Variants in CAST observed in about 807,000 individuals in gnomAD.
CAST encodes calpastatin, also known as MIR583 host.
Under a neutral mutation model 119.6 loss-of-function variants are expected in CAST, and 76 were observed. The observed-to-expected ratio is 0.64, with a 90% CI of 0.53 to 0.77. The LOEUF is 0.77. CAST is among the 30% of genes least tolerant of loss of function. The pLI is 0.00. For synonymous variants in CAST, 319 were observed against 331.6 expected (o/e 0.96, Z 0.41); for missense variants, 953 against 946.5 (o/e 1.01, Z -0.09).
At chr5:96,078,736 A>G in the CAST span, among the ~76,000 whole-genome samples, 1 of 152,230 alleles carries the variant, frequency 6.6e-6, no homozygotes, top group African/African-American at 2.4e-5. Context: ...TCTTGTGGGT[A>G]TTGATGATGG....
At chr5:96,359,241 A>G in the CAST span, among the ~76,000 whole-genome samples, 2 of 152,100 alleles carry the variant, frequency 1.3e-5, no homozygotes, top group Non-Finnish European at 2.9e-5. Flanking sequence ...TGCATGTGAG[A>G]TAGGTCTCCT....
chr5:96,476,573 A>G, the CAST span, among the ~76,000 whole-genome samples: 3 of 152,198 alleles, frequency 2.0e-5, no homozygotes, highest in Non-Finnish European at 4.4e-5. Context: ...TTACACCCAA[A>G]CACATGAAAC....
At chr5:96,462,050 A>G in the CAST span, among the ~76,000 whole-genome samples, 11,137 of 152,154 alleles carry the variant, frequency 0.073, 888 homozygotes, top group East Asian at 0.41. Flanking sequence ...CTAGGAATCA[A>G]GGAATCTGGA....
chr5:96,616,879 G>A (rs1269981111), intron 1 of CAST, among the ~76,000 whole-genome samples: 1 of 151,408 alleles, frequency 6.6e-6, no homozygotes, highest in Non-Finnish European at 1.5e-5. Flanking sequence ...TTTGGTAGTG[G>A]GTTTTGGACC....
At chr5:96,107,218 T>C in the CAST span, among the ~76,000 whole-genome samples, 1 of 152,194 alleles carries the variant, frequency 6.6e-6, no homozygotes, top group African/African-American at 2.4e-5. Flanking sequence ...ATTTTGTCCA[T>C]TTACATTTAA....
At chr5:96,449,288 G>A in the CAST span, among the ~76,000 whole-genome samples, 2 of 152,274 alleles carry the variant, frequency 1.3e-5, no homozygotes, top group East Asian at 1.9e-4. Context: ...GTAAAGGTCC[G>A]TGACCTGTTA....
chr5:96,755,782 A>T (rs1766170354), intron 22 of CAST, among the ~76,000 whole-genome samples: 1 of 152,196 alleles, frequency 6.6e-6, no homozygotes, highest in African/African-American at 2.4e-5. Context: ...TTGCTTCCTG[A>T]GTTTTACAAT....
intron 1 of CAST, among the ~76,000 whole-genome samples, chr5:96,626,920 C>T (rs1747735105): frequency 6.6e-6 from 1 of 152,198 alleles, no homozygotes; most frequent in Non-Finnish European, 1.5e-5. Context: ...TATCCTTTAT[C>T]TTTGCTACAC....
At chr5:96,471,075 A>G in the CAST span, among the ~76,000 whole-genome samples, 3 of 152,068 alleles carry the variant, frequency 2.0e-5, no homozygotes, top group Non-Finnish European at 4.4e-5. Flanking sequence ...AGATCTTTGT[A>G]ATTGTGTAGA....
chr5:96,472,350 C>T, the CAST span, among the ~76,000 whole-genome samples: 1 of 152,176 alleles, frequency 6.6e-6, no homozygotes, highest in Non-Finnish European at 1.5e-5. Flanking sequence ...TAATCCATCA[C>T]ACCATTCTTT....
the CAST span, among the ~76,000 whole-genome samples, chr5:96,020,823 C>A: frequency 2.1e-5 from 2 of 95,638 alleles, no homozygotes; most frequent in Non-Finnish European, 4.2e-5. Flanking sequence ...CCATCCCCCA[C>A]CCCCCACCCC....
chr5:96,655,649 A>G (rs749925108), intron 1 of CAST, among the ~76,000 whole-genome samples: 6 of 152,364 alleles, frequency 3.9e-5, no homozygotes, highest in South Asian at 4.1e-4. Context: ...ATCTTAGCTC[A>G]TCTTAGTAGT....
the CAST span, among the ~76,000 whole-genome samples, chr5:96,268,437 A>G: frequency 6.6e-6 from 1 of 152,028 alleles, no homozygotes; most frequent in Non-Finnish European, 1.5e-5. Flanking sequence ...AATTAGCTGA[A>G]TATGGAGGTA....
the CAST span, among the ~76,000 whole-genome samples, chr5:96,052,593 C>T: frequency 6.6e-6 from 1 of 152,190 alleles, no homozygotes; most frequent in African/African-American, 2.4e-5. Flanking sequence ...GATTATCAGT[C>T]TTTTGTCTTC....
intron 1 of CAST, among the ~76,000 whole-genome samples, chr5:96,561,829 G>C (rs2150184940): frequency 8.9e-6 from 1 of 112,616 alleles, no homozygotes; most frequent in South Asian, 3.1e-4. Context: ...GTCTCGCTCT[G>C]TCGCCCAGGC....
At chr5:96,456,763 G>T in the CAST span, among the ~76,000 whole-genome samples, 1 of 152,160 alleles carries the variant, frequency 6.6e-6, no homozygotes, top group African/African-American at 2.4e-5. Flanking sequence ...ATCTCATCTT[G>T]AATTGTAGTT....
chr5:96,468,559 G>A, the CAST span, among the ~76,000 whole-genome samples: 2 of 152,016 alleles, frequency 1.3e-5, no homozygotes, highest in African/African-American at 4.8e-5. Context: ...TATAACCCAG[G>A]TAGAGCCATA....
At chr5:96,742,604 C>T (rs777283481) in intron 15 of CAST, 51 bp from the exon 16 acceptor site, 1 of 1,136,992 alleles carries the variant, frequency 8.8e-7, no homozygotes, top group Non-Finnish European at 1.3e-6. Context: ...ATGGATTGTT[C>T]GGGCTCCAGA....
At chr5:96,721,954 C>T (rs1337295616) in intron 3 of CAST, among the ~76,000 whole-genome samples, 1 of 152,212 alleles carries the variant, frequency 6.6e-6, no homozygotes, top group Non-Finnish European at 1.5e-5. Context: ...AGAATTCCCT[C>T]TGTAACCTTG....
Sources: allele counts gnomAD v4.1 joint callset (sites outside exome capture counted in the v4.1 genomes callset), GRCh38; gene constraint gnomAD v4.1.1; transcripts MANE v1.5; gene names NCBI Gene and HGNC (gene_info 2026-07-23, HGNC 2026-07-21).